Variants in EPHA6 observed in about 807,000 individuals in gnomAD.
EPHA6 encodes EPH receptor A6.
A neutral mutation model predicts 112.0 loss-of-function variants in EPHA6; 50 were observed. That is an observed-to-expected ratio of 0.45 (90% CI 0.36 to 0.56). The LOEUF (loss-of-function observed/expected upper bound fraction) is 0.56, where lower values mean the gene tolerates loss of function less well. EPHA6 is among the 20% of genes least tolerant of loss of function. EPHA6 has a pLI of 0.00. For missense variants in EPHA6, 1,280 were observed against 1,417.4 expected, an observed-to-expected ratio of 0.90 and a Z score of 1.56; for synonymous variants, 529 against 490.7, an observed-to-expected ratio of 1.08 and a Z score of -1.03.
chr3:97,509,022 T>G (rs13079122), intron 10 of EPHA6, among the ~76,000 whole-genome samples: 27 of 127,392 alleles, frequency 2.1e-4, no homozygotes, highest in African/African-American at 8.5e-4. Context: ...TTTTTTTTTT[T>G]GCTTTCCATT....
intron 14 of EPHA6, among the ~76,000 whole-genome samples, chr3:97,696,551 C>A (rs2033053512): frequency 6.6e-6 from 1 of 152,110 alleles, no homozygotes; most frequent in Non-Finnish European, 1.5e-5. Flanking sequence ...TACTTTTGGA[C>A]AAAATCCCTT....
At chr3:97,311,038 T>C (rs1302959233) in intron 5 of EPHA6, among the ~76,000 whole-genome samples, 1 of 151,562 alleles carries the variant, frequency 6.6e-6, no homozygotes, top group Admixed American at 6.6e-5. Flanking sequence ...GGAGAGGTGG[T>C]ATTAGGTGCC....
chr3:96,927,788 G>C (rs974911379), intron 2 of EPHA6, among the ~76,000 whole-genome samples: 5 of 152,102 alleles, frequency 3.3e-5, no homozygotes, highest in Non-Finnish European at 7.4e-5. Context: ...CTTTATAGAA[G>C]TGCCCCACTC....
At chr3:97,166,903 G>A (rs1218916809) in intron 3 of EPHA6, among the ~76,000 whole-genome samples, 1 of 152,034 alleles carries the variant, frequency 6.6e-6, no homozygotes, top group Non-Finnish European at 1.5e-5. Context: ...GACTCCTAAA[G>A]CTTTTAACCA....
chr3:97,212,708 A>G (rs973482854), intron 3 of EPHA6, among the ~76,000 whole-genome samples: 2 of 152,226 alleles, frequency 1.3e-5, no homozygotes, highest in African/African-American at 4.8e-5. Flanking sequence ...TAAATTATAA[A>G]TCTATGAATG....
chr3:97,503,501 C>T (rs1287617024), intron 10 of EPHA6, among the ~76,000 whole-genome samples: 1 of 152,160 alleles, frequency 6.6e-6, no homozygotes. Flanking sequence ...TGCACCAAAA[C>T]ACAAAGCATG....
At chr3:97,166,315 G>A (rs530654468) in intron 3 of EPHA6, among the ~76,000 whole-genome samples, 8 of 151,444 alleles carry the variant, frequency 5.3e-5, no homozygotes, top group African/African-American at 1.7e-4. Flanking sequence ...AAACATTTAT[G>A]CTTTCATCCT....
chr3:96,926,266 C>T (rs796506685), intron 2 of EPHA6, among the ~76,000 whole-genome samples: 12 of 152,222 alleles, frequency 7.9e-5, no homozygotes, highest in African/African-American at 1.7e-4. Context: ...ACAAGAACAG[C>T]GTGGTGAAAC....
chr3:97,221,682 A>G (rs2078205193), intron 3 of EPHA6, among the ~76,000 whole-genome samples: 1 of 152,158 alleles, frequency 6.6e-6, no homozygotes, highest in African/African-American at 2.4e-5. Flanking sequence ...CAATTATCTC[A>G]TGTTCGGTAT....
chr3:97,201,265 G>T (rs1302563199), intron 3 of EPHA6, among the ~76,000 whole-genome samples: 1 of 152,042 alleles, frequency 6.6e-6, no homozygotes, highest in Non-Finnish European at 1.5e-5. Flanking sequence ...TCAAATCACT[G>T]ATGTATTTAC....
intron 2 of EPHA6, among the ~76,000 whole-genome samples, chr3:96,917,299 T>C (rs1282533362): frequency 6.6e-6 from 1 of 151,434 alleles, no homozygotes; most frequent in Non-Finnish European, 1.5e-5. Flanking sequence ...CAGGCACCTT[T>C]AGTCCCAGCT....
At chr3:97,188,053 C>G (rs1181481461) in intron 3 of EPHA6, among the ~76,000 whole-genome samples, 1 of 152,026 alleles carries the variant, frequency 6.6e-6, no homozygotes, top group Non-Finnish European at 1.5e-5. Context: ...GACATAATCC[C>G]TTTAGAAAAA....
chr3:97,483,918 G>A lies in EPHA6; in HGVS notation c.2075-16G>A. 6.3e-7 allele frequency: 1 copy of A among 1,586,190 alleles called. No homozygotes were observed. The highest frequency in any genetic ancestry group is 8.6e-7 in the Non-Finnish European group (1 of 1,168,326). On this transcript the variant is annotated splice_polypyrimidine_tract_variant and intron_variant, in intron 9 of 17. Transcript: ENST00000389672. ...ATACTCAAACTAAATCAATCGTTTTGTTATTGTTGTTGCAGTGCGCTTCCC... is the reference window on the plus strand; with the variant it reads ...ATACTCAAACTAAATCAATCGTTTTATTATTGTTGTTGCAGTGCGCTTCCC...
intron 1 of EPHA6, among the ~76,000 whole-genome samples, chr3:96,839,883 C>T (rs1265860660): frequency 6.6e-6 from 1 of 151,800 alleles, no homozygotes; most frequent in African/African-American, 2.4e-5. Flanking sequence ...ATTAAGTAAT[C>T]CAGTTAAAAA....
chr3:97,721,127 C>T lies in EPHA6; in HGVS notation c.2934+717C>T, dbSNP rs76262132. ...TTCAGGCTTTGTCTACTCACCTGTT[C>T]TTCTCAAACTATAAGATGGTTTCTG... On this transcript the variant is annotated intron_variant, in intron 15 of 17. Transcript: ENST00000389672. Among the ~76,000 whole-genome samples, 363 of 152,262 alleles carry T rather than the reference C, an allele frequency of 2.4e-3. 15 individuals carry two copies. In the East Asian group the frequency reaches 0.033, roughly 14 times the overall value.
chr3:96,998,336 C>T (rs1035718490), intron 3 of EPHA6, among the ~76,000 whole-genome samples: 15 of 151,892 alleles, frequency 9.9e-5, no homozygotes, highest in African/African-American at 3.6e-4. Context: ...TAGTTGGAAA[C>T]ATCAATATAT....
chr3:97,427,278 A>C (rs1441985966), intron 6 of EPHA6, among the ~76,000 whole-genome samples: 1 of 152,338 alleles, frequency 6.6e-6, no homozygotes, highest in East Asian at 1.9e-4. Flanking sequence ...CAGCAAAGTC[A>C]TAGAATCAAT....
At chr3:96,923,547 T>C (rs1576046271) in intron 2 of EPHA6, among the ~76,000 whole-genome samples, 1 of 152,324 alleles carries the variant, frequency 6.6e-6, no homozygotes, top group East Asian at 1.9e-4. Context: ...CTTTGTCAGA[T>C]GGATAGATTG....
chr3:97,720,303 G>A lies in EPHA6; in HGVS notation c.2827G>A (p.Ala943Thr), dbSNP rs36084843. The change falls in exon 15 of 18, where the codon GCC becomes ACC. Residue 943 changes from alanine to threonine, a missense_variant. Around this residue, in one of 4 missense-constraint regions of EPHA6, gnomAD observed 37 missense variants for 92.9 expected, o/e 0.40. Coordinates refer to ENST00000389672, the MANE Select transcript of EPHA6 (RefSeq NM_001080448.3). ...PIRWTAPEAIAYRKFSSASDA... is the reference protein window; with the variant it reads ...PIRWTAPEAITYRKFSSASDA... ...AAGGTGGACAGCCCCAGAAGCCATC[G>A]CCTACAGAAAATTCTCCTCAGCAAG... The A allele has an allele frequency of 4.0e-5, 64 of 1,610,574 alleles. No individual in the cohort carries two copies. The highest frequency in any genetic ancestry group is 2.7e-4 in the East Asian group (12 of 44,616).
Sources: allele counts gnomAD v4.1 joint callset (sites outside exome capture counted in the v4.1 genomes callset), GRCh38; gene constraint gnomAD v4.1.1; regional missense constraint gnomAD v4.1.1; transcripts MANE v1.5; gene names NCBI Gene and HGNC (gene_info 2026-07-23, HGNC 2026-07-21).